DGLUCY: variants seen among roughly 807,000 people sequenced by gnomAD.
The protein encoded by DGLUCY is D-glutamate cyclase, mitochondrial.
DGLUCY carries 58 observed loss-of-function variants against 58.5 expected under a neutral mutation model. That is an observed-to-expected ratio of 0.99 (90% CI 0.80 to 1.23). The LOEUF is 1.23. Ranked by LOEUF, DGLUCY falls within the 50% of genes most tolerant of loss-of-function variation. The pLI is 0.00. For missense variants in DGLUCY, 779 were observed against 784.7 expected (o/e 0.99, Z 0.09); for synonymous variants, 325 against 314.1 (o/e 1.03, Z -0.37).
intron 9 of DGLUCY, among the ~76,000 whole-genome samples, chr14:91,195,399 A>G (rs61990144): frequency 0.17 from 25,363 of 152,054 alleles, 2,247 homozygotes; most frequent in Middle Eastern, 0.19. Flanking sequence ...AAAAGGTCCT[A>G]TTTTTAAGAA....
At chr14:91,213,455 T>C (rs1886026634) in intron 12 of DGLUCY, among the ~76,000 whole-genome samples, 1 of 152,004 alleles carries the variant, frequency 6.6e-6, no homozygotes, top group African/African-American at 2.4e-5. Context: ...ATAATAATTA[T>C]TGATGACAAG....
At chr14:91,067,311 A>T (rs751954244) in intron 1 of DGLUCY, among the ~76,000 whole-genome samples, 16 of 152,108 alleles carry the variant, frequency 1.1e-4, no homozygotes, top group Non-Finnish European at 2.4e-4. Context: ...TTAGTTATAT[A>T]AGTAAGCAAG....
chr14:91,113,245 A>G (rs918684618), upstream of DGLUCY, among the ~76,000 whole-genome samples: 6 of 152,202 alleles, frequency 3.9e-5, no homozygotes, highest in African/African-American at 1.4e-4. Flanking sequence ...GGTTGCAGTG[A>G]GCGGAGATCG....
rs376041519 is a variant in DGLUCY, at chr14:91,084,865, A to G, written c.-82+24161A>G. Among the ~76,000 whole-genome samples the G allele has an allele frequency of 1.7e-4, 26 of 152,292 alleles. 1 individual carries two copies. The highest frequency in any genetic ancestry group is 5.3e-4 in the African/African-American group (22 of 41,568). On this transcript the variant is annotated intron_variant, in intron 1 of 4. Transcript: ENST00000521334. ...ATGATGCTTATTTTTGTGTGTCACA[A>G]TTGTTAAAGGAGAGCCTGAGATTTT...
chr14:91,150,298 G>A (rs981879647), intron 1 of DGLUCY, among the ~76,000 whole-genome samples: 6 of 149,484 alleles, frequency 4.0e-5, no homozygotes, highest in East Asian at 2.0e-4. Context: ...CAATATTAGC[G>A]CCTTCCTGTG....
intron 9 of DGLUCY, among the ~76,000 whole-genome samples, chr14:91,193,861 A>AAT (rs375488747): frequency 6.8e-6 from 1 of 147,538 alleles, no homozygotes; most frequent in Non-Finnish European, 1.5e-5. Flanking sequence ...AAAAAAAAAA[A>AAT]GGAGTTTTAA....
intron 1 of DGLUCY, among the ~76,000 whole-genome samples, chr14:91,093,376 A>G (rs1235985543): frequency 1.3e-5 from 2 of 152,336 alleles, no homozygotes; most frequent in Non-Finnish European, 2.9e-5. Flanking sequence ...TAGATGAGGT[A>G]CAAAACAGCA....
intron 1 of DGLUCY, among the ~76,000 whole-genome samples, chr14:91,119,060 A>T (rs2045183809): frequency 6.6e-6 from 1 of 152,176 alleles, no homozygotes; most frequent in Non-Finnish European, 1.5e-5. Context: ...GTACAGGCTA[A>T]ATTGTAAAAA....
exon 1 of DGLUCY, chr14:91,060,642 G>T: frequency 5.1e-6 from 3 of 583,432 alleles, no homozygotes; most frequent in Non-Finnish European, 7.5e-6. Flanking sequence ...CTAGTACCGC[G>T]CAACCAAACC....
chr14:91,110,865 A>G (rs945343386), upstream of DGLUCY, among the ~76,000 whole-genome samples: 6 of 152,170 alleles, frequency 3.9e-5, no homozygotes, highest in African/African-American at 1.4e-4. Context: ...ATCATCACTA[A>G]CCATCTCCAG....
chr14:91,127,073 T>TTTTG (rs2045743298), intron 1 of DGLUCY, among the ~76,000 whole-genome samples: 1 of 150,576 alleles, frequency 6.6e-6, no homozygotes. Flanking sequence ...TTTTTTTTTT[T>TTTTG]TGAGATAGAA....
intron 1 of DGLUCY, among the ~76,000 whole-genome samples, chr14:91,083,882 C>T (rs563191282): frequency 1.1e-4 from 17 of 152,234 alleles, no homozygotes; most frequent in Admixed American, 2.6e-4. Flanking sequence ...TCCACCCCAC[C>T]CCTATTACTC....
chr14:91,203,101 G>A (rs2050673438), intron 11 of DGLUCY, among the ~76,000 whole-genome samples: 1 of 152,190 alleles, frequency 6.6e-6, no homozygotes, highest in Non-Finnish European at 1.5e-5. Context: ...TCTATACAGT[G>A]AGGATCATGA....
Position 91,199,921 on chromosome 14 carries a change from T to C in DGLUCY, c.1444+16T>C, listed in dbSNP as rs777776790. The C allele has an allele frequency of 1.3e-5, 21 of 1,613,928 alleles. No homozygotes were observed. The highest frequency in any genetic ancestry group is 1.7e-5 in the Non-Finnish European group (20 of 1,179,924). On this transcript the variant is annotated intron_variant, in intron 11 of 13. Transcript: ENST00000256324. ...TCATCAACTGGTAAGTATGGAGTAC[T>C]GGGGATGCACCAAGAACGTGGCCCC...
chr14:91,102,630 A>T (rs1046903060), intron 1 of DGLUCY, among the ~76,000 whole-genome samples: 1 of 152,094 alleles, frequency 6.6e-6, no homozygotes, highest in Non-Finnish European at 1.5e-5. Flanking sequence ...AGGGTAAAAT[A>T]GGGGCTCACA....
intron 5 of DGLUCY, 106 bp from the exon 6 acceptor site, chr14:91,173,183 A>G (rs1396440141): frequency 7.8e-3 from 5,653 of 724,978 alleles, no homozygotes; most frequent in Non-Finnish European, 0.012. Flanking sequence ...TATAACAGCT[A>G]CTCCTCCTTC....
At chr14:91,214,184 C>A (rs1404835153) in intron 12 of DGLUCY, among the ~76,000 whole-genome samples, 2 of 152,120 alleles carry the variant, frequency 1.3e-5, no homozygotes, top group Non-Finnish European at 2.9e-5. Flanking sequence ...CTCCATGCTC[C>A]CATAATTCTG....
intron 4 of DGLUCY, 177 bp downstream of exon 4, chr14:91,167,555 C>T: frequency 1.2e-6 from 1 of 817,530 alleles, no homozygotes; most frequent in Non-Finnish European, 2.1e-6. Flanking sequence ...GTTCTGACTC[C>T]TTCCCCTATC....
At chr14:91,192,134 G>A (rs2140519567) in intron 9 of DGLUCY, among the ~76,000 whole-genome samples, 1 of 152,308 alleles carries the variant, frequency 6.6e-6, no homozygotes, top group South Asian at 2.1e-4. Flanking sequence ...ATCAATGGAT[G>A]AACAGATAGA....
Sources: allele counts gnomAD v4.1 joint callset (sites outside exome capture counted in the v4.1 genomes callset), GRCh38; gene constraint gnomAD v4.1.1; transcripts MANE v1.5; gene names NCBI Gene and HGNC (gene_info 2026-07-23, HGNC 2026-07-21).